Variants in AKR1C8 observed in about 807,000 individuals in gnomAD.
AKR1C8 encodes aldo-keto reductase family 1 member C-like protein 1.
the AKR1C8 span, among the ~76,000 whole-genome samples, chr10:5,144,354 C>A: frequency 7.3e-3 from 1,110 of 152,106 alleles, 46 homozygotes; most frequent in Non-Finnish European, 2.3e-3. Flanking sequence ...CTTGGCGATG[C>A]GGGCTCTTTT....
the AKR1C8 span, among the ~76,000 whole-genome samples, chr10:5,128,642 T>TA: frequency 6.6e-6 from 1 of 152,024 alleles, no homozygotes. Context: ...GCTACTCTTA[T>TA]ATCAGACAAA....
At chr10:5,123,341 T>C in the AKR1C8 span, 4 of 285,268 alleles carry the variant, frequency 1.4e-5, no homozygotes, top group Non-Finnish European at 2.9e-5. Flanking sequence ...ACGCTGCAGC[T>C]GGTAGCACAG....
chr10:5,122,953 T>C, the AKR1C8 span, among the ~76,000 whole-genome samples: 3 of 152,162 alleles, frequency 2.0e-5, no homozygotes, highest in Non-Finnish European at 4.4e-5. Context: ...CAGCAATGAT[T>C]TGGAGACTAG....
chr10:5,169,602 T>C, the AKR1C8 span, among the ~76,000 whole-genome samples: 1 of 151,966 alleles, frequency 6.6e-6, no homozygotes, highest in Admixed American at 6.6e-5. Flanking sequence ...TTTTTTTTTA[T>C]TGTTAGTAAC....
chr10:5,169,633 T>A, the AKR1C8 span, among the ~76,000 whole-genome samples: 180 of 151,974 alleles, frequency 1.2e-3, 1 homozygote, highest in African/African-American at 4.2e-3. Flanking sequence ...GTTATGAGGA[T>A]AATAATTAAG....
the AKR1C8 span, among the ~76,000 whole-genome samples, chr10:5,117,856 G>A: frequency 6.6e-6 from 1 of 152,152 alleles, no homozygotes; most frequent in Non-Finnish European, 1.5e-5. Context: ...ACTGCAGGGA[G>A]AGCACCAAGC....
the AKR1C8 span, among the ~76,000 whole-genome samples, chr10:5,128,140 C>T: frequency 6.6e-5 from 10 of 152,080 alleles, no homozygotes; most frequent in African/African-American, 2.4e-4. Flanking sequence ...CCTTCTTAAA[C>T]AAAATAACTG....
the AKR1C8 span, among the ~76,000 whole-genome samples, chr10:5,156,476 A>C: frequency 6.6e-6 from 1 of 152,136 alleles, no homozygotes; most frequent in Admixed American, 6.5e-5. Flanking sequence ...TTAAAAAAAA[A>C]ATGCTACTTT....
chr10:5,165,229 A>T, the AKR1C8 span, among the ~76,000 whole-genome samples: 6 of 152,140 alleles, frequency 3.9e-5, no homozygotes, highest in African/African-American at 9.7e-5. Flanking sequence ...CCACTGCCCA[A>T]TGAATTTTAA....
the AKR1C8 span, among the ~76,000 whole-genome samples, chr10:5,165,786 T>C: frequency 1.3e-5 from 2 of 152,020 alleles, no homozygotes; most frequent in African/African-American, 2.4e-5. Context: ...CATTAAAGGG[T>C]CTTACCCAAA....
the AKR1C8 span, among the ~76,000 whole-genome samples, chr10:5,163,549 A>C: frequency 5.9e-5 from 9 of 152,162 alleles, no homozygotes; most frequent in African/African-American, 1.9e-4. Flanking sequence ...CATGAGAAGC[A>C]CAATCTAGTC....
At chr10:5,129,594 A>G in the AKR1C8 span, among the ~76,000 whole-genome samples, 3 of 152,086 alleles carry the variant, frequency 2.0e-5, no homozygotes, top group Non-Finnish European at 4.4e-5. Context: ...ACACATTACA[A>G]ATGATATCAC....
chr10:5,126,964 A>G, the AKR1C8 span, among the ~76,000 whole-genome samples: 1 of 152,040 alleles, frequency 6.6e-6, no homozygotes, highest in African/African-American at 2.4e-5. Context: ...TAAATTCAAG[A>G]ACAAGTAGAA....
chr10:5,172,185 G>A, the AKR1C8 span, among the ~76,000 whole-genome samples: 1 of 152,016 alleles, frequency 6.6e-6, no homozygotes, highest in East Asian at 1.9e-4. Context: ...AAGCATTCAG[G>A]AGGCCTAATT....
the AKR1C8 span, chr10:5,123,864 G>T: frequency 6.4e-7 from 1 of 1,554,672 alleles, no homozygotes; most frequent in Non-Finnish European, 8.8e-7. Context: ...ATATGAAACA[G>T]TTATGTTAAT....
chr10:5,122,007 C>T, the AKR1C8 span: 1 of 243,422 alleles, frequency 4.1e-6, no homozygotes, highest in Non-Finnish European at 8.5e-6. Flanking sequence ...GCCTGTCTTC[C>T]TGATGTAGGA....
chr10:5,128,770 G>T, the AKR1C8 span, among the ~76,000 whole-genome samples: 29 of 152,086 alleles, frequency 1.9e-4, no homozygotes, highest in South Asian at 1.2e-3. Flanking sequence ...ACCTAATACT[G>T]GAGCTCCCAG....
chr10:5,120,274 G>A, the AKR1C8 span, among the ~76,000 whole-genome samples: 11 of 152,184 alleles, frequency 7.2e-5, no homozygotes, highest in Non-Finnish European at 1.3e-4. Flanking sequence ...TAAATATGTG[G>A]GTAAGACTCT....
the AKR1C8 span, among the ~76,000 whole-genome samples, chr10:5,164,051 T>C: frequency 6.6e-6 from 1 of 152,138 alleles, no homozygotes; most frequent in Non-Finnish European, 1.5e-5. Context: ...GGACATGCTT[T>C]TGACTGTGAG....
Sources: allele counts gnomAD v4.1 joint callset (sites outside exome capture counted in the v4.1 genomes callset), GRCh38; gene constraint gnomAD v4.1.1; transcripts MANE v1.5; gene names NCBI Gene and HGNC (gene_info 2026-07-23, HGNC 2026-07-21).